The following GPC3 variants were observed in gnomAD, a reference collection of about 807,000 sequenced individuals.
GPC3 encodes glypican 3.
A neutral mutation model predicts 34.4 loss-of-function variants in GPC3; 3 were observed. The ratio of observed to expected loss-of-function variants is 0.09; its 90% confidence interval spans 0.04 to 0.23. The LOEUF (loss-of-function observed/expected upper bound fraction) is 0.23, where lower values mean the gene tolerates loss of function less well. Ranked by LOEUF, GPC3 falls within the 10% of genes least tolerant of loss-of-function variation. The pLI, the probability that GPC3 is intolerant of heterozygous loss-of-function variation, is 1.00. For missense variants in GPC3, 351 were observed against 445.6 expected (o/e 0.79, Z 1.91); for synonymous variants, 177 against 174.0 (o/e 1.02, Z -0.13).
At chrX:133,625,992 G>C (rs1450253773) in intron 6 of GPC3, among the ~76,000 whole-genome samples, 1 of 111,137 alleles carries the variant, frequency 9.0e-6, no homozygotes, top group African/African-American at 3.3e-5. Flanking sequence ...ATAGAACAGA[G>C]CCCTTAGAAA....
At position 133,639,307 on chromosome X, in the gene GPC3, T is replaced by G. The variant is rs770312995; in HGVS notation, c.1413+22423A>C. Among the ~76,000 whole-genome samples the G allele has an allele frequency of 3.6e-5, 4 of 112,261 alleles. No individual in the cohort carries two copies. In the South Asian group the frequency reaches 1.5e-3, roughly 42 times the overall value. ...TTTTGTTTGGACTTGTCTTAAAATCTCAATCACATTCTGCCTTGTATTGTA... is the reference window on the plus strand; with the variant it reads ...TTTTGTTTGGACTTGTCTTAAAATCGCAATCACATTCTGCCTTGTATTGTA... On this transcript the variant is annotated intron_variant, in intron 6 of 7. Coordinates refer to ENST00000370818, the MANE Select transcript of GPC3 (RefSeq NM_004484.4).
At chrX:133,665,166 T>C (rs913074366) in intron 5 of GPC3, among the ~76,000 whole-genome samples, 1 of 111,891 alleles carries the variant, frequency 8.9e-6, no homozygotes, top group Non-Finnish European at 1.9e-5. Flanking sequence ...GATAAATTTA[T>C]AGATTTTGAG....
chrX:133,845,467 A>T (rs1378556504), intron 2 of GPC3, among the ~76,000 whole-genome samples: 2 of 111,335 alleles, frequency 1.8e-5, no homozygotes, highest in African/African-American at 6.5e-5. Context: ...CTTCTCAGAC[A>T]CTCAGAAAAA....
chrX:133,832,742 A>T (rs1040357983), intron 2 of GPC3, among the ~76,000 whole-genome samples: 2 of 112,287 alleles, frequency 1.8e-5, no homozygotes, highest in Admixed American at 9.5e-5. Context: ...TGAGTTTCTT[A>T]CAGTAGCTAA....
intron 6 of GPC3, among the ~76,000 whole-genome samples, chrX:133,653,113 A>G (rs1041559619): frequency 8.9e-6 from 1 of 112,051 alleles, no homozygotes; most frequent in African/African-American, 3.2e-5. Context: ...TTCATTGACC[A>G]CTCAAATTAC....
intron 2 of GPC3, among the ~76,000 whole-genome samples, chrX:133,901,368 TCACATACATATA>T (rs1320405479): frequency 8.9e-6 from 1 of 111,768 alleles, no homozygotes; most frequent in African/African-American, 3.3e-5. Context: ...TCATTTCATA[TCACATACATATA>T]CACATACACA....
chrX:133,673,097 T>C (rs2124412691), intron 5 of GPC3, among the ~76,000 whole-genome samples: 1 of 109,420 alleles, frequency 9.1e-6, no homozygotes, highest in Non-Finnish European at 1.9e-5. Context: ...CACACCACCA[T>C]GCCTGGCTAA....
At chrX:133,563,548 A>G (rs2069556904) in intron 7 of GPC3, among the ~76,000 whole-genome samples, 2 of 112,383 alleles carry the variant, frequency 1.8e-5, no homozygotes. Context: ...AGCTAAATCT[A>G]AAGATATTAA....
chrX:133,762,605 GA>G (rs973603003), intron 2 of GPC3, among the ~76,000 whole-genome samples: 2 of 110,659 alleles, frequency 1.8e-5, no homozygotes, highest in Non-Finnish European at 3.8e-5. Context: ...ACAAACATAC[GA>G]AAAAAAATGC....
At position 133,896,293 on chromosome X, in the gene GPC3, G is replaced by A. The variant is rs756599884; in HGVS notation, c.337+56757C>T. 6.4e-5 allele frequency among the ~76,000 whole-genome samples: 7 copies of A among 109,999 alleles called. No individual in the cohort carries two copies. The South Asian group carries it at 2.8e-3, about 44-fold the overall frequency. On this transcript the variant is annotated intron_variant, in intron 2 of 7. Transcript: ENST00000370818. ...GGAGAATTGCTTGAACCTGGGAGGT[G>A]GAGGTTGCAGGGAGCCAAGATCGTG...
chrX:133,700,840 C>T (rs1474884281), intron 3 of GPC3, among the ~76,000 whole-genome samples: 1 of 111,314 alleles, frequency 9.0e-6, no homozygotes, highest in Admixed American at 9.5e-5. Context: ...TGTGCCACTG[C>T]ACTCCAGCCT....
chrX:133,551,425 G>C (rs887536233), intron 7 of GPC3, among the ~76,000 whole-genome samples: 2 of 111,616 alleles, frequency 1.8e-5, no homozygotes, highest in African/African-American at 6.5e-5. Context: ...TAAAAGTTCT[G>C]TGTTTTCATT....
chrX:133,830,678 CAA>C (rs1174232524), intron 2 of GPC3, among the ~76,000 whole-genome samples: 5,177 of 13,399 alleles, frequency 0.39, 417 homozygotes, highest in African/African-American at 0.5. Context: ...GACTCCATCT[CAA>C]AAAAAAAAAA....
chrX:133,798,230 G>A (rs2075591727), intron 2 of GPC3, among the ~76,000 whole-genome samples: 1 of 112,053 alleles, frequency 8.9e-6, no homozygotes, highest in Non-Finnish European at 1.9e-5. Context: ...TGGTCAGGCA[G>A]ATGGTGTGAT....
intron 5 of GPC3, among the ~76,000 whole-genome samples, chrX:133,673,669 C>T (rs1439555193): frequency 8.9e-6 from 1 of 112,001 alleles, no homozygotes; most frequent in African/African-American, 3.2e-5. Flanking sequence ...AAAGCTGGTG[C>T]CCCCACCTGC....
chrX:133,614,098 C>A (rs1211509215), intron 6 of GPC3, among the ~76,000 whole-genome samples: 1 of 111,120 alleles, frequency 9.0e-6, no homozygotes, highest in African/African-American at 3.3e-5. Context: ...CAAAAATGAA[C>A]AAATCTGCAG....
intron 6 of GPC3, among the ~76,000 whole-genome samples, chrX:133,609,139 T>C (rs1393563211): frequency 1.8e-5 from 2 of 112,459 alleles, no homozygotes; most frequent in Non-Finnish European, 3.8e-5. Flanking sequence ...GCTCAGGTCA[T>C]TCTTTTAAAT....
chrX:133,719,692 G>A (rs748223921), intron 3 of GPC3, among the ~76,000 whole-genome samples: 135 of 111,410 alleles, frequency 1.2e-3, no homozygotes, highest in African/African-American at 4.2e-3. Context: ...TAAAGAGAAG[G>A]ACTTTAAACA....
intron 2 of GPC3, among the ~76,000 whole-genome samples, chrX:133,857,461 C>T (rs1414483456): frequency 8.9e-6 from 1 of 111,882 alleles, no homozygotes; most frequent in Non-Finnish European, 1.9e-5. Context: ...TTCCCTTTCA[C>T]CCCATGAGGT....
Sources: allele counts gnomAD v4.1 joint callset (sites outside exome capture counted in the v4.1 genomes callset), GRCh38; gene constraint gnomAD v4.1.1; transcripts MANE v1.5; gene names NCBI Gene and HGNC (gene_info 2026-07-23, HGNC 2026-07-21).